FGF2: variants seen among roughly 807,000 people sequenced by gnomAD.
The protein encoded by FGF2 is fibroblast growth factor 2.
Under a neutral mutation model 15.9 loss-of-function variants are expected in FGF2, and 13 were observed. The ratio of observed to expected loss-of-function variants is 0.82; its 90% CI spans 0.53 to 1.30. The LOEUF is 1.30. Ranked by LOEUF, FGF2 falls within the 50% of genes most tolerant of loss-of-function variation. FGF2 has a pLI of 0.00. For synonymous variants in FGF2, 90 were observed against 78.4 expected, an observed-to-expected ratio of 1.15 and a Z score of -0.78; for missense variants, 163 against 196.9, an observed-to-expected ratio of 0.83 and a Z score of 1.03.
Position 122,897,341 on chromosome 4 carries a change from T to C in FGF2, c.*4945T>C. The C allele has an allele frequency of 2.7e-6, 1 of 372,706 alleles. No individual in the cohort carries two copies. Among genetic ancestry groups the C allele is most frequent in the Non-Finnish European group, 4.8e-6 (1 of 206,756 alleles). 23.1% of individuals were successfully genotyped at this position (372,706 alleles called of 1,614,324 possible). A position where few individuals can be genotyped will look rare whatever the true frequency, so the allele number is the denominator to read the frequency against. On this transcript the variant is annotated 3_prime_UTR_variant, in exon 3 of 3. Transcript: ENST00000644866. ...TTTAATGCTAAACTTTACTGATGTA[T>C]ATCCAAAGCTTCTCATTTTCAGACA...
chr4:122,861,444 G>A (rs1417270361), intron 1 of FGF2, among the ~76,000 whole-genome samples: 1 of 152,070 alleles, frequency 6.6e-6, no homozygotes, highest in Non-Finnish European at 1.5e-5. Flanking sequence ...AGAAAAACCT[G>A]GGACCTATTT....
intron 1 of FGF2, among the ~76,000 whole-genome samples, chr4:122,838,398 A>G (rs1323083413): frequency 6.6e-6 from 1 of 152,226 alleles, no homozygotes; most frequent in Non-Finnish European, 1.5e-5. Flanking sequence ...AACATGCTCT[A>G]TGCCAGCTTT....
At chr4:122,871,441 T>C (rs928410632) in intron 1 of FGF2, among the ~76,000 whole-genome samples, 1 of 152,092 alleles carries the variant, frequency 6.6e-6, no homozygotes, top group East Asian at 1.9e-4. Flanking sequence ...TATTATTTCA[T>C]AGGAGTCTAA....
chr4:122,885,489 A>C (rs1443747297), intron 2 of FGF2, among the ~76,000 whole-genome samples: 1 of 152,170 alleles, frequency 6.6e-6, no homozygotes, highest in East Asian at 1.9e-4. Flanking sequence ...TGACTTGAGA[A>C]ATCCTTTTTT....
chr4:122,897,982 A>G lies in FGF2; in HGVS notation c.*5586A>G, dbSNP rs975938811. The G allele has an allele frequency of 1.5e-5, 4 of 262,902 alleles. No homozygotes were observed. The highest frequency in any genetic ancestry group is 8.9e-5 in the African/African-American group (4 of 44,878). 16.3% of individuals were successfully genotyped at this position (262,902 alleles called of 1,614,324 possible). The stretch of plus-strand genomic sequence containing the variant: ...GGGAAACATCTACTGAATTTCTGTA[A>G]TTTAAAATATTTTGCTGCTAGTTAA... On this transcript the variant is annotated 3_prime_UTR_variant, in exon 3 of 3. Transcript: ENST00000644866.
At chr4:122,832,969 G>A (rs1725793991) in intron 1 of FGF2, among the ~76,000 whole-genome samples, 1 of 152,208 alleles carries the variant, frequency 6.6e-6, no homozygotes, top group Non-Finnish European at 1.5e-5. Flanking sequence ...GCCATAGACT[G>A]TGGTTCTTAG....
At position 122,892,488 on chromosome 4, in the gene FGF2, A is replaced by C. The variant is rs1002942849; in HGVS notation, c.*92A>C. On this transcript the variant is annotated 3_prime_UTR_variant, in exon 3 of 3. Coordinates refer to ENST00000644866, the MANE Select transcript of FGF2 (RefSeq NM_001361665.2). ...AGAGTAAAAGAAAATAAATGTGTAT[A>C]GCTCAGTTTGGATAATTGGTCAAAC... The C allele has an allele frequency of 1.9e-6, 3 of 1,575,812 alleles. No individual in the cohort carries two copies. The highest frequency in any genetic ancestry group is 2.6e-6 in the Non-Finnish European group (3 of 1,159,038).
At chr4:122,834,040 T>A (rs902188991) in intron 1 of FGF2, among the ~76,000 whole-genome samples, 1 of 152,192 alleles carries the variant, frequency 6.6e-6, no homozygotes, top group Non-Finnish European at 1.5e-5. Flanking sequence ...AAGATTAGGC[T>A]CACAGACACT....
chr4:122,881,294 T>C (rs1245885298), intron 2 of FGF2, among the ~76,000 whole-genome samples: 2 of 152,208 alleles, frequency 1.3e-5, no homozygotes, highest in Non-Finnish European at 1.5e-5. Flanking sequence ...CTTACACAAA[T>C]TTCTGCAGCC....
At chr4:122,876,156 A>C (rs1726841181) in intron 1 of FGF2, among the ~76,000 whole-genome samples, 165 bp from the exon 2 acceptor site, 2 of 152,118 alleles carry the variant, frequency 1.3e-5, no homozygotes, top group South Asian at 4.1e-4. Context: ...CATACAGTTT[A>C]GTTGACATCT....
chr4:122,880,311 A>G (rs1726936037), intron 2 of FGF2, among the ~76,000 whole-genome samples: 1 of 144,418 alleles, frequency 6.9e-6, no homozygotes, highest in Non-Finnish European at 1.5e-5. Flanking sequence ...CAGTGGCATG[A>G]TCTCGGCTCA....
chr4:122,855,727 T>C (rs1726325208), intron 1 of FGF2, among the ~76,000 whole-genome samples: 1 of 152,218 alleles, frequency 6.6e-6, no homozygotes, highest in South Asian at 2.1e-4. Context: ...CAAAGAAATG[T>C]CAGGTGACCA....
intron 1 of FGF2, among the ~76,000 whole-genome samples, chr4:122,860,392 A>G (rs1228629531): frequency 6.6e-6 from 1 of 151,720 alleles, no homozygotes; most frequent in Admixed American, 6.6e-5. Context: ...CAGAAGATTT[A>G]CAAAGACTTT....
At chr4:122,829,307 G>A (rs981147763) in intron 1 of FGF2, among the ~76,000 whole-genome samples, 1 of 152,262 alleles carries the variant, frequency 6.6e-6, no homozygotes, top group South Asian at 2.1e-4. Context: ...ATTTGACAAT[G>A]CCTGGAGACA....
intron 2 of FGF2, among the ~76,000 whole-genome samples, chr4:122,880,635 A>G (rs1324440309): frequency 1.3e-5 from 2 of 152,094 alleles, no homozygotes; most frequent in South Asian, 2.1e-4. Flanking sequence ...CTGGGTTCCC[A>G]TCATATTGAG....
chr4:122,834,448 C>T (rs977828039), intron 1 of FGF2, among the ~76,000 whole-genome samples: 2 of 152,220 alleles, frequency 1.3e-5, no homozygotes, highest in Non-Finnish European at 2.9e-5. Context: ...ATTCTGCCCT[C>T]AGTATTCCAC....
At chr4:122,862,269 A>T (rs1250714329) in intron 1 of FGF2, among the ~76,000 whole-genome samples, 1 of 152,184 alleles carries the variant, frequency 6.6e-6, no homozygotes, top group East Asian at 1.9e-4. Context: ...ATCTCTCTAA[A>T]TATCAGCTTC....
At chr4:122,847,168 C>G (rs180938066) in intron 1 of FGF2, among the ~76,000 whole-genome samples, 1 of 152,220 alleles carries the variant, frequency 6.6e-6, no homozygotes, top group Non-Finnish European at 1.5e-5. Flanking sequence ...ACTGTCTATT[C>G]TAAGGCAAAG....
intron 1 of FGF2, among the ~76,000 whole-genome samples, chr4:122,832,276 AG>A (rs1393212453): frequency 7.2e-5 from 11 of 152,000 alleles, no homozygotes; most frequent in African/African-American, 2.7e-4. Flanking sequence ...TTTCTTTTTG[AG>A]ACACAGTCTT....
Sources: gnomAD v4.1 joint callset for allele counts (sites outside exome capture counted in the v4.1 genomes callset) on GRCh38, gnomAD v4.1.1 for gene constraint, MANE v1.5 for transcripts, NCBI Gene and HGNC (gene_info 2026-07-23, HGNC 2026-07-21) for gene names.